Variants in INKA2 observed in about 807,000 individuals in gnomAD.
The protein encoded by INKA2 is PAK4-inhibitor INKA2.
INKA2 carries 3 observed loss-of-function variants against 9.8 expected under a neutral mutation model. The ratio of observed to expected loss-of-function variants is 0.31; its 90% CI spans 0.14 to 0.79. The LOEUF (loss-of-function observed/expected upper bound fraction) is 0.79, where lower values mean the gene tolerates loss of function less well. Ranked by LOEUF, INKA2 falls within the 30% of genes least tolerant of loss-of-function variation. The pLI, the probability that INKA2 is intolerant of heterozygous loss-of-function variation, is 0.62. For missense variants in INKA2, 392 were observed against 384.4 expected, an observed-to-expected ratio of 1.02 and a Z score of -0.17; for synonymous variants, 147 against 143.3, an observed-to-expected ratio of 1.03 and a Z score of -0.18.
chr1:111,729,812 C>T (rs1396011071), intron 1 of INKA2, among the ~76,000 whole-genome samples: 2 of 152,256 alleles, frequency 1.3e-5, no homozygotes, highest in African/African-American at 4.8e-5. Flanking sequence ...GTCAAATCCT[C>T]CCCCTGCCAA....
intron 1 of INKA2, among the ~76,000 whole-genome samples, chr1:111,729,716 G>A (rs1396585504): frequency 6.6e-6 from 1 of 152,236 alleles, no homozygotes; most frequent in Non-Finnish European, 1.5e-5. Flanking sequence ...AATGCACAGG[G>A]CTAAACCCAG....
At chr1:111,728,026 T>G (rs1046808280) in intron 1 of INKA2, among the ~76,000 whole-genome samples, 1 of 127,966 alleles carries the variant, frequency 7.8e-6, no homozygotes, top group African/African-American at 3.1e-5. Flanking sequence ...CTGAGAAGGC[T>G]CCCCCACCCC....
chr1:111,726,713 A>C lies in INKA2; in HGVS notation c.*255T>G. 3.9e-6 allele frequency: 1 copy of C among 257,984 alleles called. No homozygotes were observed. Among genetic ancestry groups the C allele is most frequent in the Non-Finnish European group, 7.5e-6 (1 of 132,572 alleles). The allele number at this position is 257,984 out of a possible 1,614,324, so 16.0% of individuals were successfully genotyped here. A position where few individuals can be genotyped will look rare whatever the true frequency, so the allele number is the denominator to read the frequency against. On this transcript the variant is annotated 3_prime_UTR_variant, in exon 2 of 2. Coordinates refer to ENST00000357260, the MANE Select transcript of INKA2 (RefSeq NM_019099.5). ...GCATGCCAGACAGACACACACATGCACACACACACACACACACGCACAGCT... is the reference window on the plus strand; with the variant it reads ...GCATGCCAGACAGACACACACATGCCCACACACACACACACACGCACAGCT...
chr1:111,745,670 T>C (rs771013728), intron 1 of INKA2: 15 of 152,090 alleles, frequency 9.9e-5, no homozygotes, highest in Non-Finnish European at 2.1e-4. Flanking sequence ...AAGGGAAATA[T>C]GGTATTTGTG....
chr1:111,742,112 T>C (rs536319414), upstream of INKA2, among the ~76,000 whole-genome samples: 4 of 152,084 alleles, frequency 2.6e-5, no homozygotes, highest in Admixed American at 6.6e-5. Context: ...GAGGCTAAGG[T>C]TGAAAATCCA....
intron 1 of INKA2, among the ~76,000 whole-genome samples, chr1:111,731,733 C>T (rs1662908319): frequency 6.6e-6 from 1 of 152,222 alleles, no homozygotes; most frequent in South Asian, 2.1e-4. Flanking sequence ...TAATGTGTAT[C>T]TCTGCATGAA....
rs1179696522 is a variant in INKA2, at chr1:111,739,276, G to A, written c.-34C>T. On this transcript the variant is annotated 5_prime_UTR_variant, in exon 1 of 2. Transcript: ENST00000357260. Reference sequence around the variant, plus strand: ...TTGTCGGGTTCGGTTCAAACAGAGAGGGCCCGGGTGAAACCCCGGCCCCAC... The same window carrying A: ...TTGTCGGGTTCGGTTCAAACAGAGAAGGCCCGGGTGAAACCCCGGCCCCAC... 6.2e-7 allele frequency: 1 copy of A among 1,612,952 alleles called. No individual in the cohort carries two copies. The highest frequency in any genetic ancestry group is 1.3e-5 in the African/African-American group (1 of 74,984).
At chr1:111,742,923 G>A (rs912206742), upstream of INKA2, among the ~76,000 whole-genome samples, 1 of 152,208 alleles carries the variant, frequency 6.6e-6, no homozygotes, top group South Asian at 2.1e-4. Flanking sequence ...CCCCAGGAGT[G>A]TGTGTGTGTT....
chr1:111,739,682 G>A (rs1281429290), upstream of INKA2, among the ~76,000 whole-genome samples: 1 of 152,234 alleles, frequency 6.6e-6, no homozygotes. Flanking sequence ...GGTCATAAAG[G>A]GAGAGCACAG....
upstream of INKA2, among the ~76,000 whole-genome samples, chr1:111,740,788 C>T (rs1223858528): frequency 2.0e-5 from 3 of 151,962 alleles, no homozygotes; most frequent in Admixed American, 2.0e-4. Context: ...GCCTGACCAA[C>T]ATGGAGAAAC....
intron 1 of INKA2, among the ~76,000 whole-genome samples, chr1:111,731,592 T>C (rs1476751460): frequency 6.6e-6 from 1 of 152,148 alleles, no homozygotes; most frequent in Non-Finnish European, 1.5e-5. Context: ...ACTCAAGCCA[T>C]CCTCCCACAT....
chr1:111,723,838 ACAGT>A lies in INKA2; in HGVS notation c.*3126_*3129del, dbSNP rs1437678791. On this transcript the variant is annotated 3_prime_UTR_variant, in exon 2 of 2. Coordinates refer to ENST00000357260, the MANE Select transcript of INKA2 (RefSeq NM_019099.5). ...GAAGGGAAAAGTAAGTCTCCATCAG[ACAGT>A]CAGCATGCCATTTATGATCCACGCA... The A allele has an allele frequency of 6.6e-6, 1 of 152,342 alleles. No homozygotes were observed. Among genetic ancestry groups the A allele is most frequent in the South Asian group, 2.1e-4 (1 of 4,832 alleles). 9.4% of individuals were successfully genotyped at this position (152,342 alleles called of 1,614,324 possible). A position where few individuals can be genotyped will look rare whatever the true frequency, so the allele number is the denominator to read the frequency against.
rs197435 is a variant in INKA2, at chr1:111,728,525, A to G, written c.58-721T>C. On this transcript the variant is annotated intron_variant, in intron 1 of 1. Coordinates refer to ENST00000357260, the MANE Select transcript of INKA2 (RefSeq NM_019099.5). ...TACCAAATACAGGTTGAGCATCCCT[A>G]CTCCAAAAATCTGAAAGCCAAAATG... Among the ~76,000 whole-genome samples, 1,489 of 152,202 alleles carry G rather than the reference A, an allele frequency of 9.8e-3. 25 individuals carry two copies. Among genetic ancestry groups the G allele is most frequent in the African/African-American group, 0.034 (1,410 of 41,494 alleles).
chr1:111,736,649 G>A (rs774212871), intron 1 of INKA2, among the ~76,000 whole-genome samples: 8 of 152,214 alleles, frequency 5.3e-5, no homozygotes, highest in Non-Finnish European at 8.8e-5. Context: ...TAAGGGCAGC[G>A]CCAGGCAACA....
chr1:111,751,942 ATTTT>A (rs34187656), intron 1 of INKA2, among the ~76,000 whole-genome samples: 8 of 142,398 alleles, frequency 5.6e-5, no homozygotes, highest in South Asian at 2.3e-4. Context: ...CATTTCCCAG[ATTTT>A]TTTTTTTTTT....
upstream of INKA2, among the ~76,000 whole-genome samples, chr1:111,740,535 G>A (rs1663121276): frequency 6.6e-6 from 1 of 152,240 alleles, no homozygotes; most frequent in African/African-American, 2.4e-5. Flanking sequence ...GCGACGTGTT[G>A]TTAAAAGGTA....
intron 1 of INKA2, among the ~76,000 whole-genome samples, chr1:111,734,760 G>A (rs1405861492): frequency 4.6e-5 from 7 of 152,302 alleles, no homozygotes; most frequent in African/African-American, 1.4e-4. Context: ...TGCTGTGCGT[G>A]TCCCTATTTA....
chr1:111,726,156 T>C lies in INKA2; in HGVS notation c.*812A>G, dbSNP rs1449866491. 2 of 398,326 alleles carry C rather than the reference T, an allele frequency of 5.0e-6. No homozygotes were observed. The highest frequency in any genetic ancestry group is 8.9e-6 in the Non-Finnish European group (2 of 225,952). The allele number at this position is 398,326 out of a possible 1,614,324, so 24.7% of individuals were successfully genotyped here. ...TGCAGTTGTTCCTGGACATGTAGCATATCTAGGCTTGTTTCCTTATCTGGA... is the reference window on the plus strand; with the variant it reads ...TGCAGTTGTTCCTGGACATGTAGCACATCTAGGCTTGTTTCCTTATCTGGA... On this transcript the variant is annotated 3_prime_UTR_variant, in exon 2 of 2. Transcript: ENST00000357260.
chr1:111,739,104 G>C, intron 1 of INKA2, 82 bp downstream of exon 1: 2 of 1,387,350 alleles, frequency 1.4e-6, no homozygotes, highest in Non-Finnish European at 2.0e-6. Flanking sequence ...TTACGTCCCG[G>C]CTCCCCGGGG....
Sources: gnomAD v4.1 joint callset for allele counts (sites outside exome capture counted in the v4.1 genomes callset) on GRCh38, gnomAD v4.1.1 for gene constraint, MANE v1.5 for transcripts, NCBI Gene and HGNC (gene_info 2026-07-23, HGNC 2026-07-21) for gene names.